The following ABLIM1 variants were observed in gnomAD, a reference collection of about 807,000 sequenced individuals.
ABLIM1 encodes actin-binding LIM protein 1.
In ABLIM1, 40 loss-of-function variants were observed where a neutral mutation model predicts 107.0. That is an observed-to-expected ratio of 0.37 (90% CI 0.29 to 0.49). The LOEUF (loss-of-function observed/expected upper bound fraction) is 0.49, where lower values mean the gene tolerates loss of function less well. Ranked by LOEUF, ABLIM1 falls within the 20% of genes least tolerant of loss-of-function variation. The pLI is 0.97. For missense variants in ABLIM1, 857 were observed against 1,008.5 expected, an observed-to-expected ratio of 0.85 and a Z score of 2.04; for synonymous variants, 357 against 357.3, an observed-to-expected ratio of 1.00 and a Z score of 0.01.
At chr10:114,632,411 T>C (rs2078249589) in intron 1 of ABLIM1, 3 of 985,310 alleles carry the variant, frequency 3.0e-6, no homozygotes, top group African/African-American at 1.7e-5. Context: ...GGTTAGCTTA[T>C]TGGCTCCCTG....
intron 6 of ABLIM1, among the ~76,000 whole-genome samples, chr10:114,523,501 G>C (rs564434132): frequency 6.6e-6 from 1 of 152,264 alleles, no homozygotes; most frequent in East Asian, 1.9e-4. Flanking sequence ...TATGGTTAGT[G>C]TGCTCTTTAT....
intron 1 of ABLIM1, among the ~76,000 whole-genome samples, chr10:114,635,946 C>G (rs2078458426): frequency 1.3e-5 from 2 of 152,184 alleles, no homozygotes; most frequent in South Asian, 4.1e-4. Flanking sequence ...AATCTCATTT[C>G]AGAGATTTAT....
At chr10:114,502,989 A>G (rs1288545150) in intron 6 of ABLIM1, among the ~76,000 whole-genome samples, 1 of 152,206 alleles carries the variant, frequency 6.6e-6, no homozygotes, top group Non-Finnish European at 1.5e-5. Flanking sequence ...GCCTGTTTTC[A>G]GTTTCCATCA....
At chr10:114,567,987 G>A (rs554491144) in intron 4 of ABLIM1, among the ~76,000 whole-genome samples, 2 of 151,378 alleles carry the variant, frequency 1.3e-5, no homozygotes, top group East Asian at 1.9e-4. Flanking sequence ...TCAGGAGATC[G>A]AGACCATCCT....
intron 1 of ABLIM1, among the ~76,000 whole-genome samples, chr10:114,624,373 C>A (rs1366621925): frequency 6.6e-6 from 1 of 152,226 alleles, no homozygotes; most frequent in Admixed American, 6.5e-5. Flanking sequence ...AGATATGCTT[C>A]TTGGTGGGGT....
intron 1 of ABLIM1, among the ~76,000 whole-genome samples, chr10:114,694,455 A>G (rs2081153946): frequency 6.6e-6 from 1 of 152,176 alleles, no homozygotes; most frequent in African/African-American, 2.4e-5. Flanking sequence ...ATCCCTGGGG[A>G]TTCTCATTTA....
chr10:114,636,049 G>A (rs2078463266), intron 1 of ABLIM1, among the ~76,000 whole-genome samples: 1 of 152,166 alleles, frequency 6.6e-6, no homozygotes, highest in African/African-American at 2.4e-5. Flanking sequence ...TCTAGCGGAG[G>A]AGATATATGC....
chr10:114,604,823 T>C (rs902384556), intron 1 of ABLIM1, among the ~76,000 whole-genome samples: 3 of 152,228 alleles, frequency 2.0e-5, no homozygotes, highest in African/African-American at 7.2e-5. Context: ...AATTTCTTAT[T>C]GCTAAGCAAG....
Position 114,627,973 on chromosome 10 carries a change from T to C in ABLIM1, c.245-26012A>G, listed in dbSNP as rs143850247. Among the ~76,000 whole-genome samples the C allele has an allele frequency of 4.9e-3, 753 of 152,146 alleles. 8 individuals carry two copies. The highest frequency in any genetic ancestry group is 0.017 in the African/African-American group (703 of 41,536). On this transcript the variant is annotated intron_variant, in intron 1 of 22. Transcript: ENST00000533213. Reference sequence around the variant, plus strand: ...CCCCATCTCTAATAAAAATACAAAATTAGCCGGGCGTGGTGGTGCATGCCT... The same window carrying C: ...CCCCATCTCTAATAAAAATACAAAACTAGCCGGGCGTGGTGGTGCATGCCT...
chr10:114,600,407 T>TC (rs1441516250), intron 2 of ABLIM1, among the ~76,000 whole-genome samples: 1 of 152,162 alleles, frequency 6.6e-6, no homozygotes, highest in Admixed American at 6.5e-5. Flanking sequence ...TGCCCTCCAC[T>TC]CCTTCCACCT....
intron 1 of ABLIM1, among the ~76,000 whole-genome samples, chr10:114,701,445 C>T (rs1448690859): frequency 3.9e-5 from 6 of 151,986 alleles, no homozygotes; most frequent in Admixed American, 3.9e-4. Flanking sequence ...AACATAAATC[C>T]ACAAAAAAGA....
chr10:114,791,466 G>A, the ABLIM1 span, among the ~76,000 whole-genome samples: 40 of 151,948 alleles, frequency 2.6e-4, no homozygotes, highest in East Asian at 6.8e-3. Flanking sequence ...GTGAAACCCC[G>A]TCTCTACTAA....
chr10:114,712,558 G>A (rs2141963727), intron 1 of ABLIM1, among the ~76,000 whole-genome samples: 1 of 152,172 alleles, frequency 6.6e-6, no homozygotes, highest in South Asian at 2.1e-4. Flanking sequence ...ATTTATCCAA[G>A]GTCACCTCCT....
chr10:114,486,455 A>G (rs576030820), intron 8 of ABLIM1, among the ~76,000 whole-genome samples: 1 of 152,322 alleles, frequency 6.6e-6, no homozygotes, highest in Admixed American at 6.5e-5. Flanking sequence ...CATTCTTACG[A>G]TAAAAGTCAC....
intron 6 of ABLIM1, among the ~76,000 whole-genome samples, chr10:114,543,902 C>T (rs1319746417): frequency 6.6e-6 from 1 of 152,244 alleles, no homozygotes; most frequent in African/African-American, 2.4e-5. Context: ...CAACCACACC[C>T]TTCTCTCCCA....
chr10:114,536,505 C>T (rs1260162005), intron 6 of ABLIM1, among the ~76,000 whole-genome samples: 3 of 152,080 alleles, frequency 2.0e-5, no homozygotes, highest in Non-Finnish European at 4.4e-5. Flanking sequence ...ACCTTGGCCT[C>T]CCAAAGTGCT....
At chr10:114,668,566 G>C (rs562369333) in intron 1 of ABLIM1, among the ~76,000 whole-genome samples, 1 of 152,254 alleles carries the variant, frequency 6.6e-6, no homozygotes, top group East Asian at 1.9e-4. Flanking sequence ...TCAAACTCTA[G>C]AGCTCACGGA....
At chr10:114,635,959 G>A (rs2078458910) in intron 1 of ABLIM1, among the ~76,000 whole-genome samples, 1 of 152,206 alleles carries the variant, frequency 6.6e-6, no homozygotes, top group South Asian at 2.1e-4. Context: ...AGATTTATGG[G>A]ACACCTGCTG....
At chr10:114,588,299 C>T (rs1295228809) in intron 2 of ABLIM1, among the ~76,000 whole-genome samples, 1 of 151,914 alleles carries the variant, frequency 6.6e-6, no homozygotes, top group Non-Finnish European at 1.5e-5. Flanking sequence ...AAGGGTAGAG[C>T]ATGAGTTCTG....
Sources: allele counts gnomAD v4.1 joint callset (sites outside exome capture counted in the v4.1 genomes callset), GRCh38; gene constraint gnomAD v4.1.1; transcripts MANE v1.5; gene names NCBI Gene and HGNC (gene_info 2026-07-23, HGNC 2026-07-21).